UBE2R2: variants seen among roughly 807,000 people sequenced by gnomAD.
The protein encoded by UBE2R2 is ubiquitin-conjugating enzyme E2 R2.
Under a neutral mutation model 27.8 loss-of-function variants are expected in UBE2R2, and 1 was observed. That is an observed-to-expected ratio of 0.04 (90% confidence interval 0.01 to 0.17). The LOEUF is 0.17. Among genes scored for constraint, UBE2R2 ranks in the 10% least tolerant of loss-of-function variants. The pLI is 1.00. For synonymous variants in UBE2R2, 106 were observed against 113.3 expected, an observed-to-expected ratio of 0.94 and a Z score of 0.41; for missense variants, 100 against 291.0, an observed-to-expected ratio of 0.34 and a Z score of 4.78.
upstream of UBE2R2, among the ~76,000 whole-genome samples, chr9:33,816,716 TG>T (rs778557917): frequency 6.6e-5 from 10 of 152,162 alleles, no homozygotes; most frequent in Non-Finnish European, 1.2e-4. Context: ...GACCGCAGAC[TG>T]GGTGTCACGG....
intron 1 of UBE2R2, among the ~76,000 whole-genome samples, chr9:33,873,332 G>A (rs1821529349): frequency 6.6e-6 from 1 of 151,832 alleles, no homozygotes; most frequent in Non-Finnish European, 1.5e-5. Flanking sequence ...ATGTCTCCTA[G>A]GTCATTTAGG....
rs1825815185 is a variant in UBE2R2, at chr9:33,817,400, C to CCT, written c.-356_-355dup. Among the ~76,000 whole-genome samples the CCT allele has an allele frequency of 6.7e-6, 1 of 149,914 alleles. No homozygotes were observed. Among genetic ancestry groups the CCT allele is most frequent in the Non-Finnish European group, 1.5e-5 (1 of 67,044 alleles). ...GCCCCCTCCCTTCACCATCGCCGGCCCTCCGCCGCCTTCCTCCGCTTCCAC... is the reference window on the plus strand; with the variant it reads ...GCCCCCTCCCTTCACCATCGCCGGCCCTCTCCGCCGCCTTCCTCCGCTTCCAC... On this transcript the variant is annotated 5_prime_UTR_variant, in exon 1 of 5. Transcript: ENST00000263228.
At chr9:33,845,788 A>G (rs1002092950) in intron 1 of UBE2R2, among the ~76,000 whole-genome samples, 2 of 151,942 alleles carry the variant, frequency 1.3e-5, no homozygotes, top group African/African-American at 2.4e-5. Flanking sequence ...CGGGCAGATC[A>G]TCTGAGGTCA....
intron 3 of UBE2R2, among the ~76,000 whole-genome samples, chr9:33,905,701 A>G (rs1587481566): frequency 6.6e-6 from 1 of 152,224 alleles, no homozygotes. Flanking sequence ...TTTCCCTATC[A>G]TAACAGGCTT....
intron 4 of UBE2R2, among the ~76,000 whole-genome samples, chr9:33,912,428 C>G (rs1034108925): frequency 6.6e-6 from 1 of 151,756 alleles, no homozygotes; most frequent in Non-Finnish European, 1.5e-5. Flanking sequence ...AGTTCGAGAC[C>G]GGCTGGCCAA....
chr9:33,873,457 T>TAG (rs1821532052), intron 1 of UBE2R2, among the ~76,000 whole-genome samples: 1 of 152,080 alleles, frequency 6.6e-6, no homozygotes, highest in African/African-American at 2.4e-5. Context: ...GAATAAAAGG[T>TAG]TACTGCAGAA....
chr9:33,867,059 G>GT (rs1269095481), intron 1 of UBE2R2, among the ~76,000 whole-genome samples: 1 of 151,708 alleles, frequency 6.6e-6, no homozygotes, highest in African/African-American at 2.4e-5. Context: ...AATATTCCTG[G>GT]TTTTTTTGGT....
chr9:33,900,310 C>T (rs1290513785), intron 3 of UBE2R2, 39 bp downstream of exon 3: 2 of 1,442,762 alleles, frequency 1.4e-6, no homozygotes, highest in South Asian at 1.2e-5. Flanking sequence ...TCTTAATCTC[C>T]TTATTGTCTT....
chr9:33,891,047 G>GTTTTTTTGTTTTT (rs1554676115), intron 2 of UBE2R2, among the ~76,000 whole-genome samples: 85 of 126,410 alleles, frequency 6.7e-4, no homozygotes, highest in African/African-American at 2.3e-3. Flanking sequence ...TTGTTGTTGT[G>GTTTTTTTGTTTTT]TTTTTTTGTT....
chr9:33,917,702 T>TAA lies in UBE2R2; in HGVS notation c.*479_*480dup, dbSNP rs1554678168. The stretch of plus-strand genomic sequence containing the variant: ...GGAAAAAAACCCACAAAACAAACTT[T>TAA]AAAAAAAAAAAAAAACAAATTTGCC... On this transcript the variant is annotated 3_prime_UTR_variant, in exon 5 of 5. Coordinates refer to ENST00000263228, the MANE Select transcript of UBE2R2 (RefSeq NM_017811.4). The TAA allele has an allele frequency of 5.1e-4, 76 of 150,218 alleles. No homozygotes were observed. The highest frequency in any genetic ancestry group is 2.7e-3 in the Middle Eastern group (1 of 376). 9.3% of individuals were successfully genotyped at this position (150,218 alleles called of 1,614,324 possible).
intron 1 of UBE2R2, among the ~76,000 whole-genome samples, chr9:33,874,568 G>A (rs1034230783): frequency 9.2e-5 from 14 of 151,574 alleles, no homozygotes; most frequent in African/African-American, 3.4e-4. Context: ...TTTTATATAT[G>A]TATATATATT....
chr9:33,883,569 AGCTGGGTGTGGT>A (rs1196736443), intron 1 of UBE2R2, among the ~76,000 whole-genome samples: 2 of 151,976 alleles, frequency 1.3e-5, no homozygotes, highest in African/African-American at 4.8e-5. Context: ...ACAAAAATTT[AGCTGGGTGTGGT>A]GGCATGCCCC....
chr9:33,834,766 C>T (rs191281276), intron 1 of UBE2R2, among the ~76,000 whole-genome samples: 8 of 151,706 alleles, frequency 5.3e-5, no homozygotes, highest in Admixed American at 4.6e-4. Flanking sequence ...CAAAATTAGC[C>T]GGATGTGGTG....
intron 1 of UBE2R2, among the ~76,000 whole-genome samples, chr9:33,877,658 T>C (rs1366169184): frequency 1.3e-5 from 2 of 152,140 alleles, no homozygotes; most frequent in Non-Finnish European, 2.9e-5. Context: ...TCCATAATCA[T>C]CAAGGTCTTA....
chr9:33,844,884 A>AC (rs1820808530), intron 1 of UBE2R2, among the ~76,000 whole-genome samples: 2 of 150,432 alleles, frequency 1.3e-5, no homozygotes, highest in African/African-American at 4.9e-5. Context: ...CTCTTGCCTC[A>AC]CCCTCCGGAG....
chr9:33,818,050 C>CGGGTGAG, intron 1 of UBE2R2, 116 bp downstream of exon 1: 1 of 1,242,694 alleles, frequency 8.0e-7, no homozygotes, highest in Non-Finnish European at 1.1e-6. Flanking sequence ...GGGGGCTTCT[C>CGGGTGAG]ACCCGTGCAG....
chr9:33,846,802 A>T (rs966280682), intron 1 of UBE2R2, among the ~76,000 whole-genome samples: 2 of 152,126 alleles, frequency 1.3e-5, no homozygotes, highest in African/African-American at 4.8e-5. Flanking sequence ...TATAGTTTTT[A>T]TGTGTCACAA....
intron 1 of UBE2R2, among the ~76,000 whole-genome samples, chr9:33,854,466 C>T (rs1821050956): frequency 2.0e-5 from 3 of 151,922 alleles, no homozygotes; most frequent in Admixed American, 6.6e-5. Flanking sequence ...GTTACAGGTG[C>T]CCGCCACCAT....
chr9:33,830,777 A>G (rs1820455451), intron 1 of UBE2R2, among the ~76,000 whole-genome samples: 1 of 151,966 alleles, frequency 6.6e-6, no homozygotes, highest in Non-Finnish European at 1.5e-5. Context: ...AAAGGAAAAA[A>G]AAAAAAAAGA....
Sources: allele counts gnomAD v4.1 joint callset (sites outside exome capture counted in the v4.1 genomes callset), GRCh38; gene constraint gnomAD v4.1.1; transcripts MANE v1.5; gene names NCBI Gene and HGNC (gene_info 2026-07-23, HGNC 2026-07-21).